EPHA3: variants seen among roughly 807,000 people sequenced by gnomAD.
The protein encoded by EPHA3 is EPH receptor A3.
Under a neutral mutation model 107.1 loss-of-function variants are expected in EPHA3, and 42 were observed. The observed-to-expected ratio is 0.39, with a 90% CI of 0.31 to 0.51. The LOEUF (loss-of-function observed/expected upper bound fraction) is 0.51. Among genes scored for constraint, EPHA3 ranks in the 20% least tolerant of loss-of-function variants. EPHA3 has a pLI of 0.78. For synonymous variants in EPHA3, 461 were observed against 424.8 expected, an observed-to-expected ratio of 1.09 and a Z score of -1.05; for missense variants, 1,183 against 1,211.2, an observed-to-expected ratio of 0.98 and a Z score of 0.35.
intron 3 of EPHA3, among the ~76,000 whole-genome samples, chr3:89,313,555 A>G (rs187207985): frequency 8.5e-5 from 13 of 152,106 alleles, no homozygotes; most frequent in African/African-American, 1.2e-4. Context: ...TCTGTAACTT[A>G]TTACAATATA....
At chr3:89,402,967 C>T (rs544757257) in intron 7 of EPHA3, among the ~76,000 whole-genome samples, 7 of 152,212 alleles carry the variant, frequency 4.6e-5, no homozygotes, top group African/African-American at 1.4e-4. Flanking sequence ...TGTGAGCCAC[C>T]GTGCCCAGCC....
rs527731956 is a variant in EPHA3 at position 89,248,505 on chromosome 3, G to A, written c.814+37985G>A. Among the ~76,000 whole-genome samples the A allele has an allele frequency of 3.3e-5, 5 of 152,166 alleles. 1 individual carries two copies. In the South Asian group the frequency reaches 1.0e-3, roughly 32 times the overall value. On this transcript the variant is annotated intron_variant, in intron 3 of 16. Transcript: ENST00000336596. ...TTCTCTTCGGCTAATATTTAATATC[G>A]TGAATTCTTTAAAATATCTTTAGCA... is the stretch of plus-strand genomic sequence containing the variant.
At chr3:89,221,708 C>G (rs1476225978) in intron 3 of EPHA3, among the ~76,000 whole-genome samples, 1 of 152,150 alleles carries the variant, frequency 6.6e-6, no homozygotes, top group Non-Finnish European at 1.5e-5. Flanking sequence ...TTTATCAGAA[C>G]AGGTCTAAGA....
intron 5 of EPHA3, among the ~76,000 whole-genome samples, chr3:89,378,583 A>G (rs145631422): frequency 3.3e-5 from 5 of 152,320 alleles, no homozygotes; most frequent in African/African-American, 1.2e-4. Context: ...GGTAAAATGT[A>G]GTATCTCCCT....
rs141870938 is a variant in EPHA3, at chr3:89,363,387, C to T, written c.1306+21297C>T. 1.9e-3 allele frequency among the ~76,000 whole-genome samples: 290 copies of T among 150,734 alleles called. 5 individuals carry two copies. Among genetic ancestry groups the T allele is most frequent in the East Asian group, 0.012 (63 of 5,104 alleles). ...GCAGGGTAAGCTGATAGGCTGGAAA[C>T]CTAGGGAACAGCTGACATTGCAGCT... is the stretch of plus-strand genomic sequence containing the variant. On this transcript the variant is annotated intron_variant, in intron 5 of 16. Transcript: ENST00000336596.
intron 5 of EPHA3, among the ~76,000 whole-genome samples, chr3:89,353,097 G>A (rs1398698240): frequency 6.6e-6 from 1 of 151,060 alleles, no homozygotes; most frequent in Non-Finnish European, 1.5e-5. Flanking sequence ...GAAGATATCA[G>A]TCAGGCTTCA....
chr3:89,177,522 C>A (rs933290560), intron 2 of EPHA3, among the ~76,000 whole-genome samples: 2 of 152,104 alleles, frequency 1.3e-5, no homozygotes, highest in Non-Finnish European at 2.9e-5. Context: ...TGACAGCACA[C>A]GGCAGATGTG....
At chr3:89,163,827 G>A (rs1008693641) in intron 2 of EPHA3, among the ~76,000 whole-genome samples, 3 of 152,116 alleles carry the variant, frequency 2.0e-5, no homozygotes, top group African/African-American at 7.2e-5. Flanking sequence ...TATGGGGAAG[G>A]AAGAGACACA....
At chr3:89,282,150 C>T (rs1228462546) in intron 3 of EPHA3, among the ~76,000 whole-genome samples, 3 of 152,084 alleles carry the variant, frequency 2.0e-5, no homozygotes, top group Non-Finnish European at 4.4e-5. Context: ...AATATAGGCA[C>T]TATCTTGGCT....
intron 5 of EPHA3, among the ~76,000 whole-genome samples, chr3:89,375,514 C>T (rs1369160498): frequency 6.6e-6 from 1 of 151,508 alleles, no homozygotes; most frequent in African/African-American, 2.4e-5. Context: ...ATACTTGCTT[C>T]AGAGTTATCC....
At chr3:89,133,244 G>T (rs1415501126) in intron 2 of EPHA3, among the ~76,000 whole-genome samples, 2 of 152,082 alleles carry the variant, frequency 1.3e-5, no homozygotes, top group African/African-American at 4.8e-5. Context: ...TAAATTCAGA[G>T]CCCAATACAT....
chr3:89,387,566 A>C (rs1368363428), intron 5 of EPHA3, among the ~76,000 whole-genome samples: 1 of 152,132 alleles, frequency 6.6e-6, no homozygotes. Flanking sequence ...AACCTCTTTC[A>C]CACTGAAGCA....
chr3:89,204,029 C>T (rs1706040068), intron 2 of EPHA3, among the ~76,000 whole-genome samples: 1 of 152,066 alleles, frequency 6.6e-6, no homozygotes, highest in Admixed American at 6.6e-5. Flanking sequence ...TTGTTAAAAC[C>T]ACAGAAAGTA....
At position 89,382,544 on chromosome 3, in the gene EPHA3, A is replaced by G. The variant is rs575287487; in HGVS notation, c.1307-13293A>G. On this transcript the variant is annotated intron_variant, in intron 5 of 16. Transcript: ENST00000336596. ...AAAAAAAGAGAATATTCCATGTCAC[A>G]TAATGCCACAAAGAGAAGCACCAGG... Among the ~76,000 whole-genome samples the G allele has an allele frequency of 4.1e-3, 627 of 152,086 alleles. 1 individual carries two copies. The highest frequency in any genetic ancestry group is 6.1e-3 in the Non-Finnish European group (413 of 67,998).
At chr3:89,150,104 G>A (rs905290986) in intron 2 of EPHA3, among the ~76,000 whole-genome samples, 2 of 151,872 alleles carry the variant, frequency 1.3e-5, no homozygotes, top group African/African-American at 4.8e-5. Context: ...ATTTGGATGG[G>A]AAAGTATATG....
chr3:89,184,013 T>G (rs181036006), intron 2 of EPHA3, among the ~76,000 whole-genome samples: 2 of 151,834 alleles, frequency 1.3e-5, no homozygotes, highest in East Asian at 3.9e-4. Context: ...GTATTTTGTG[T>G]TTTTTTTAAG....
intron 5 of EPHA3, among the ~76,000 whole-genome samples, chr3:89,344,663 T>C (rs1029163668): frequency 6.6e-6 from 1 of 152,184 alleles, no homozygotes; most frequent in African/African-American, 2.4e-5. Flanking sequence ...AGGATATGGC[T>C]GTGACAGATA....
intron 6 of EPHA3, among the ~76,000 whole-genome samples, chr3:89,398,933 C>A (rs923045969): frequency 1.3e-5 from 2 of 152,104 alleles, no homozygotes; most frequent in Admixed American, 6.5e-5. Flanking sequence ...AGTTCAAGAC[C>A]AGCCTGGCCA....
rs927203356 is a variant in EPHA3, at chr3:89,407,437, T to C, written c.1697+66T>C. ...CTTTGTTTGCTGCCACTGATTGCTGTTAAAATGTGAAGAGTGTGCTCAATA... is the reference window on the plus strand; with the variant it reads ...CTTTGTTTGCTGCCACTGATTGCTGCTAAAATGTGAAGAGTGTGCTCAATA... On this transcript the variant is annotated intron_variant, in intron 8 of 16. Transcript: ENST00000336596. 2.3e-6 allele frequency: 3 copies of C among 1,303,120 alleles called. No homozygotes were observed. The African/African-American group carries it at 4.4e-5, about 19-fold the overall frequency. 80.7% of individuals were successfully genotyped at this position (1,303,120 alleles called of 1,614,324 possible).
Sources: allele counts gnomAD v4.1 joint callset (sites outside exome capture counted in the v4.1 genomes callset), GRCh38; gene constraint gnomAD v4.1.1; transcripts MANE v1.5; gene names NCBI Gene and HGNC (gene_info 2026-07-23, HGNC 2026-07-21).